PTPRD: variants seen among roughly 807,000 people sequenced by gnomAD.
PTPRD encodes the protein protein tyrosine phosphatase receptor type D.
In PTPRD, 34 loss-of-function variants were observed where a neutral mutation model predicts 214.5. The observed-to-expected ratio is 0.16, with a 90% CI of 0.12 to 0.21. The LOEUF (loss-of-function observed/expected upper bound fraction) is 0.21, where lower values mean the gene tolerates loss of function less well. Among genes scored for constraint, PTPRD ranks in the 10% least tolerant of loss-of-function variants. The pLI, the probability that PTPRD is intolerant of heterozygous loss-of-function variation, is 1.00. For synonymous variants in PTPRD, 1,128 were observed against 845.7 expected (o/e 1.33, Z -5.79); for missense variants, 2,545 against 2,398.7 (o/e 1.06, Z -1.27).
chr9:9,857,140 T>C (rs1035037103), intron 5 of PTPRD, among the ~76,000 whole-genome samples: 6 of 152,318 alleles, frequency 3.9e-5, no homozygotes, highest in African/African-American at 1.4e-4. Flanking sequence ...TCAATCCATT[T>C]GCCTAGTTGT....
chr9:9,820,388 T>G (rs2050293290), intron 5 of PTPRD, among the ~76,000 whole-genome samples: 1 of 152,184 alleles, frequency 6.6e-6, no homozygotes, highest in South Asian at 2.1e-4. Flanking sequence ...ATATTAGGCC[T>G]TTGTTGGATG....
In PTPRD at chr9:9,779,530, TA is replaced by T. The variant is rs541623688; in HGVS notation, c.-367-12680del. 2.7e-3 allele frequency among the ~76,000 whole-genome samples: 417 copies of T among 152,036 alleles called. 2 individuals carry two copies. The highest frequency in any genetic ancestry group is 9.6e-3 in the African/African-American group (398 of 41,458). ...CAAGCAAAAACCAAATAACTTTATT[TA>T]AAAAAATGGACAAAATATGTGAACA... On this transcript the variant is annotated intron_variant, in intron 5 of 45. Transcript: ENST00000381196.
At chr9:8,696,692 C>T (rs938820622) in intron 12 of PTPRD, among the ~76,000 whole-genome samples, 2 of 152,160 alleles carry the variant, frequency 1.3e-5, no homozygotes, top group Non-Finnish European at 2.9e-5. Context: ...CAGGGTCTGA[C>T]ATAAGATGAC....
chr9:9,664,467 C>T (rs530943078), intron 7 of PTPRD, among the ~76,000 whole-genome samples: 40 of 151,614 alleles, frequency 2.6e-4, no homozygotes, highest in Admixed American at 6.6e-4. Flanking sequence ...ACATATCTGC[C>T]CGGACATGCA....
intron 4 of PTPRD, among the ~76,000 whole-genome samples, chr9:9,970,406 TG>T (rs1281742542): frequency 0.017 from 2,226 of 131,834 alleles, 28 homozygotes; most frequent in Non-Finnish European, 0.027. Context: ...GCCGAGAGCC[TG>T]GGCGACAGCG....
chr9:8,811,390 G>C (rs1032992261), intron 11 of PTPRD, among the ~76,000 whole-genome samples: 9 of 152,064 alleles, frequency 5.9e-5, no homozygotes, highest in African/African-American at 9.7e-5. Flanking sequence ...CCAGCACCTG[G>C]GTTAAGGTAG....
intron 12 of PTPRD, among the ~76,000 whole-genome samples, chr9:8,672,514 T>C (rs543484398): frequency 1.1e-4 from 16 of 152,200 alleles, no homozygotes; most frequent in Admixed American, 9.8e-4. Context: ...CATGCTAGGG[T>C]TCCTTGTAAC....
At chr9:10,173,267 C>G (rs919120833) in intron 3 of PTPRD, among the ~76,000 whole-genome samples, 7 of 151,986 alleles carry the variant, frequency 4.6e-5, no homozygotes, top group African/African-American at 1.5e-4. Context: ...CTTTAAGATC[C>G]TTTGAAAAGA....
At chr9:8,779,868 T>C (rs2095627286) in intron 11 of PTPRD, among the ~76,000 whole-genome samples, 1 of 150,800 alleles carries the variant, frequency 6.6e-6, no homozygotes, top group Non-Finnish European at 1.5e-5. Flanking sequence ...GTGGGTATGA[T>C]CAACAAGAGA....
At chr9:9,201,843 T>A (rs1375968619) in intron 9 of PTPRD, among the ~76,000 whole-genome samples, 1 of 152,194 alleles carries the variant, frequency 6.6e-6, no homozygotes, top group Non-Finnish European at 1.5e-5. Context: ...AGTTGCCAAA[T>A]GTTTACCATG....
At chr9:9,516,537 T>TTTTA (rs947051183) in intron 8 of PTPRD, among the ~76,000 whole-genome samples, 2 of 150,562 alleles carry the variant, frequency 1.3e-5, no homozygotes, top group Admixed American at 6.6e-5. Context: ...TTTTATTTTA[T>TTTTA]TTTATTTATT....
At chr9:10,575,367 T>C (rs1336291244) in intron 2 of PTPRD, among the ~76,000 whole-genome samples, 1 of 152,068 alleles carries the variant, frequency 6.6e-6, no homozygotes. Flanking sequence ...AAAAGTTCTT[T>C]CTCTAGGAAA....
chr9:10,034,423 T>TTTG, intron 3 of PTPRD, among the ~76,000 whole-genome samples: 1 of 150,940 alleles, frequency 6.6e-6, no homozygotes, highest in Non-Finnish European at 1.5e-5. Context: ...TTTTTTTTTT[T>TTTG]TTTTTTTTAA....
intron 7 of PTPRD, among the ~76,000 whole-genome samples, chr9:9,722,779 T>C (rs62534692): frequency 0.079 from 12,048 of 152,136 alleles, 507 homozygotes; most frequent in South Asian, 0.15. Flanking sequence ...AAGCAGTACC[T>C]TGTGGTTTTG....
intron 5 of PTPRD, among the ~76,000 whole-genome samples, chr9:9,867,438 G>T (rs184907122): frequency 1.4e-4 from 22 of 152,060 alleles, no homozygotes; most frequent in Middle Eastern, 3.4e-3. Context: ...ACAGATTCAA[G>T]ATATTCTGCA....
At chr9:8,700,542 A>T (rs1339112813) in intron 12 of PTPRD, 1 of 152,232 alleles carries the variant, frequency 6.6e-6, no homozygotes, top group African/African-American at 2.4e-5. Context: ...AGTGAGAAAA[A>T]TAATACGTTG....
intron 12 of PTPRD, among the ~76,000 whole-genome samples, chr9:8,722,892 A>G (rs2098516654): frequency 6.6e-6 from 1 of 152,230 alleles, no homozygotes; most frequent in Non-Finnish European, 1.5e-5. Context: ...GCAAGTCTAT[A>G]TCGGCTGGTG....
At chr9:9,088,884 G>A (rs1262186460) in intron 10 of PTPRD, among the ~76,000 whole-genome samples, 3 of 152,092 alleles carry the variant, frequency 2.0e-5, no homozygotes, top group Admixed American at 6.5e-5. Flanking sequence ...TTTCCTCAAT[G>A]TGTTATAATA....
chr9:10,196,704 G>C (rs191173944), intron 3 of PTPRD, among the ~76,000 whole-genome samples: 166 of 152,194 alleles, frequency 1.1e-3, no homozygotes, highest in Non-Finnish European at 1.6e-3. Flanking sequence ...AGTTACCTCA[G>C]GGTTAAAATA....
Sources: gnomAD v4.1 joint callset for allele counts (sites outside exome capture counted in the v4.1 genomes callset) on GRCh38, gnomAD v4.1.1 for gene constraint, MANE v1.5 for transcripts, NCBI Gene and HGNC (gene_info 2026-07-23, HGNC 2026-07-21) for gene names.